PPP1R16B: variants seen among roughly 807,000 people sequenced by gnomAD.
PPP1R16B encodes protein phosphatase 1 regulatory inhibitor subunit 16B.
A neutral mutation model predicts 61.7 loss-of-function variants in PPP1R16B; 14 were observed. That is an observed-to-expected ratio of 0.23 (90% CI 0.15 to 0.35). The LOEUF (loss-of-function observed/expected upper bound fraction) is 0.35. Among genes scored for constraint, PPP1R16B ranks in the 10% least tolerant of loss-of-function variants. The pLI is 1.00. For missense variants in PPP1R16B, 547 were observed against 752.5 expected, an observed-to-expected ratio of 0.73 and a Z score of 3.19; for synonymous variants, 266 against 305.3, an observed-to-expected ratio of 0.87 and a Z score of 1.34.
intron 1 of PPP1R16B, among the ~76,000 whole-genome samples, chr20:38,808,933 T>C (rs1416963512): frequency 6.6e-6 from 1 of 151,846 alleles, no homozygotes; most frequent in Non-Finnish European, 1.5e-5. Flanking sequence ...CTTGGGAGGC[T>C]GAGGCACGAG....
At chr20:38,883,363 G>A (rs1033823330) in intron 2 of PPP1R16B, among the ~76,000 whole-genome samples, 39 of 152,260 alleles carry the variant, frequency 2.6e-4, no homozygotes, top group African/African-American at 9.2e-4. Flanking sequence ...CTTGTCAGCG[G>A]TGATGTCTCC....
At chr20:38,820,569 A>C (rs2084766902) in intron 1 of PPP1R16B, among the ~76,000 whole-genome samples, 1 of 152,142 alleles carries the variant, frequency 6.6e-6, no homozygotes, top group African/African-American at 2.4e-5. Flanking sequence ...AAAAAAAAAA[A>C]ACAAATTTCT....
intron 3 of PPP1R16B, among the ~76,000 whole-genome samples, chr20:38,892,976 A>G (rs563796275): frequency 1.3e-5 from 2 of 152,264 alleles, no homozygotes; most frequent in East Asian, 3.9e-4. Context: ...AGGGTTGAGA[A>G]CAGGGCCTTT....
At chr20:38,817,772 T>C (rs1294980280) in intron 1 of PPP1R16B, among the ~76,000 whole-genome samples, 2 of 152,046 alleles carry the variant, frequency 1.3e-5, no homozygotes, top group East Asian at 3.9e-4. Flanking sequence ...GGGTCGGGCG[T>C]AGTGGTTCAT....
At position 38,835,952 on chromosome 20, in the gene PPP1R16B, G is replaced by T. The variant is rs759901567; in HGVS notation, c.27G>T (p.Thr9=). The change falls in exon 2 of 11, where the codon ACG becomes ACT. Residue 9 remains threonine (T), a synonymous_variant. Transcript: ENST00000299824. MASHVDLL[T]ELQLLEKVPT... Reference sequence around the variant, plus strand: ...TGGCCAGTCACGTGGACCTGCTGACGGAGCTGCAGCTGCTGGAGAAGGTGC... The same window carrying T: ...TGGCCAGTCACGTGGACCTGCTGACTGAGCTGCAGCTGCTGGAGAAGGTGC... 6.5e-7 allele frequency: 1 copy of T among 1,544,916 alleles called. No individual in the cohort carries two copies. The highest frequency in any genetic ancestry group is 1.2e-5 in the South Asian group (1 of 83,970).
intron 4 of PPP1R16B, among the ~76,000 whole-genome samples, chr20:38,896,487 CT>C (rs1377689207): frequency 4.0e-5 from 6 of 151,758 alleles, no homozygotes; most frequent in African/African-American, 1.5e-4. Flanking sequence ...CTGTTCTGCT[CT>C]TTTCTTCTTC....
At chr20:38,807,842 C>T (rs146548865) in intron 1 of PPP1R16B, among the ~76,000 whole-genome samples, 142 of 152,254 alleles carry the variant, frequency 9.3e-4, no homozygotes, top group African/African-American at 3.4e-3. Flanking sequence ...GGTCTCCTAC[C>T]ACCGTGACAC....
At chr20:38,818,754 CTTTTTTTTTT>C (rs577315309) in intron 1 of PPP1R16B, among the ~76,000 whole-genome samples, 26 of 138,264 alleles carry the variant, frequency 1.9e-4, no homozygotes, top group Non-Finnish European at 3.2e-4. Context: ...TGATTGTCCT[CTTTTTTTTTT>C]TTTTTTTTCC....
intron 6 of PPP1R16B, among the ~76,000 whole-genome samples, chr20:38,903,647 AAC>A (rs1019886160): frequency 1.3e-5 from 2 of 152,008 alleles, no homozygotes; most frequent in Non-Finnish European, 2.9e-5. Context: ...CCATCCAGTC[AAC>A]ACACAGTTAT....
intron 1 of PPP1R16B, among the ~76,000 whole-genome samples, chr20:38,833,008 C>T (rs2145718033): frequency 6.6e-6 from 1 of 151,866 alleles, no homozygotes; most frequent in African/African-American, 2.4e-5. Context: ...CTTATGTTTA[C>T]ACAATCTGTA....
At chr20:38,889,965 GACAGTGT>G (rs2085280422) in intron 3 of PPP1R16B, among the ~76,000 whole-genome samples, 2 of 152,348 alleles carry the variant, frequency 1.3e-5, no homozygotes, top group South Asian at 4.1e-4. Flanking sequence ...TTTGGAGCTT[GACAGTGT>G]ACGAAGCACA....
intron 10 of PPP1R16B, among the ~76,000 whole-genome samples, chr20:38,913,274 AT>A (rs1053732454): frequency 6.6e-6 from 1 of 150,456 alleles, no homozygotes; most frequent in South Asian, 2.1e-4. Flanking sequence ...TTTTTTTTTA[AT>A]TTTTTTTAGA....
At position 38,836,124 on chromosome 20, in the gene PPP1R16B, G is replaced by A. The variant is rs1251633174; in HGVS notation, c.199G>A (p.Glu67Lys). 5.6e-6 allele frequency: 9 copies of A among 1,612,462 alleles called. No homozygotes were observed. The highest frequency in any genetic ancestry group is 7.6e-6 in the Non-Finnish European group (9 of 1,179,938). ...CGGCCGCCGCAAGAAAGTGTCCTTC[G>A]AGGCCAGCGTGGCCCTGCTGGAGGC... ...TGGRRKKVSFEASVALLEASL... is the reference protein window; with the variant it reads ...TGGRRKKVSFKASVALLEASL... Residue 67 changes from glutamate (E) to lysine (K), a missense_variant, in exon 2 of 11, where the codon GAG becomes AAG. By Grantham distance (56) the Glu-to-Lys change is moderately conservative. Transcript: ENST00000299824.
intron 6 of PPP1R16B, among the ~76,000 whole-genome samples, chr20:38,904,665 A>AG (rs1254647753): frequency 2.6e-5 from 4 of 152,026 alleles, no homozygotes; most frequent in Non-Finnish European, 4.4e-5. Flanking sequence ...TTGGAAAAAA[A>AG]AAAAGCTTCA....
intron 2 of PPP1R16B, among the ~76,000 whole-genome samples, chr20:38,887,764 C>G (rs2085256778): frequency 6.6e-6 from 1 of 152,250 alleles, no homozygotes; most frequent in African/African-American, 2.4e-5. Context: ...TCATGCTTAA[C>G]CCATACTGGC....
intron 2 of PPP1R16B, among the ~76,000 whole-genome samples, chr20:38,883,872 C>A (rs1340882775): frequency 6.6e-6 from 1 of 152,180 alleles, no homozygotes; most frequent in Non-Finnish European, 1.5e-5. Context: ...TGAGGGAGCA[C>A]TGTTGTGATC....
intron 10 of PPP1R16B, among the ~76,000 whole-genome samples, chr20:38,910,374 T>C (rs1314518005): frequency 6.6e-6 from 1 of 152,208 alleles, no homozygotes; most frequent in Non-Finnish European, 1.5e-5. Flanking sequence ...CCATGTTCTC[T>C]CTCCGTCCTT....
intron 2 of PPP1R16B, among the ~76,000 whole-genome samples, chr20:38,877,955 T>G (rs1000045913): frequency 1.8e-4 from 17 of 94,364 alleles, no homozygotes; most frequent in South Asian, 5.8e-4. Flanking sequence ...CACAGTTGTT[T>G]TTTTTTTTTT....
At chr20:38,893,626 A>G (rs2085308687) in intron 3 of PPP1R16B, among the ~76,000 whole-genome samples, 1 of 149,960 alleles carries the variant, frequency 6.7e-6, no homozygotes, top group Admixed American at 6.6e-5. Context: ...GCCAGGTGCC[A>G]TTTCCCACCT....
Sources: gnomAD v4.1 joint callset for allele counts (sites outside exome capture counted in the v4.1 genomes callset) on GRCh38, gnomAD v4.1.1 for gene constraint, MANE v1.5 for transcripts, NCBI Gene and HGNC (gene_info 2026-07-23, HGNC 2026-07-21) for gene names.